Variants in ADAMTSL3 observed in about 807,000 individuals in gnomAD.
ADAMTSL3 encodes ADAMTS-like protein 3.
In ADAMTSL3, 128 loss-of-function variants were observed where a neutral mutation model predicts 201.7. The ratio of observed to expected loss-of-function variants is 0.63; its 90% CI spans 0.55 to 0.73. ADAMTSL3 has a LOEUF of 0.73. Among genes scored for constraint, ADAMTSL3 ranks in the 30% least tolerant of loss-of-function variants. The pLI, the probability that ADAMTSL3 is intolerant of heterozygous loss-of-function variation, is 0.00. For missense variants in ADAMTSL3, 1,990 were observed against 2,119.6 expected (o/e 0.94, Z 1.20); for synonymous variants, 738 against 748.4 (o/e 0.99, Z 0.23).
In ADAMTSL3 at chr15:83,802,580, A is replaced by G. The variant is rs571230049; in HGVS notation, c.318-2070A>G. Among the ~76,000 whole-genome samples, 455 of 152,334 alleles carry G rather than the reference A, an allele frequency of 3.0e-3. 1 individual carries two copies. Among genetic ancestry groups the G allele is most frequent in the African/African-American group, 0.011 (443 of 41,564 alleles). On this transcript the variant is annotated intron_variant, in intron 4 of 29. Coordinates refer to ENST00000286744, the MANE Select transcript of ADAMTSL3 (RefSeq NM_207517.3). The stretch of plus-strand genomic sequence containing the variant: ...GAATGATTTTCAAGTATATTATGCT[A>G]AAAAGAGTCAGTCTCAAAAAGCTAC...
At chr15:83,874,218 G>C (rs2065135871) in intron 9 of ADAMTSL3, among the ~76,000 whole-genome samples, 1 of 144,946 alleles carries the variant, frequency 6.9e-6, no homozygotes, top group Admixed American at 6.7e-5. Context: ...TGCTCTCCAG[G>C]GCAGGGAGGC....
At chr15:83,975,292 G>A (rs957326142) in intron 20 of ADAMTSL3, among the ~76,000 whole-genome samples, 2 of 151,390 alleles carry the variant, frequency 1.3e-5, no homozygotes, top group South Asian at 4.2e-4. Context: ...GTGAGCCACT[G>A]CACCTGGCCA....
intron 3 of ADAMTSL3, among the ~76,000 whole-genome samples, chr15:83,740,636 C>G (rs181695622): frequency 6.6e-6 from 1 of 152,082 alleles, no homozygotes; most frequent in East Asian, 1.9e-4. Flanking sequence ...AAAAAAGATG[C>G]AATAGAGTAA....
chr15:83,657,213 A>G (rs1186444764), intron 2 of ADAMTSL3, among the ~76,000 whole-genome samples: 2 of 52,096 alleles, frequency 3.8e-5, no homozygotes, highest in Non-Finnish European at 6.5e-5. Context: ...TGAGGCTTCA[A>G]GGCACAGTGT....
intron 28 of ADAMTSL3, among the ~76,000 whole-genome samples, chr15:84,034,897 T>C (rs1407351010): frequency 6.6e-6 from 1 of 152,180 alleles, no homozygotes; most frequent in Non-Finnish European, 1.5e-5. Flanking sequence ...TCTACACTCA[T>C]GCTTCATGTA....
intron 23 of ADAMTSL3, among the ~76,000 whole-genome samples, chr15:83,999,861 T>G (rs992930239): frequency 6.6e-6 from 1 of 152,252 alleles, no homozygotes; most frequent in Admixed American, 6.5e-5. Flanking sequence ...CTTTCTTTAC[T>G]GGGTTTAACA....
At chr15:83,797,515 C>T (rs548434178) in intron 4 of ADAMTSL3, among the ~76,000 whole-genome samples, 37 of 152,142 alleles carry the variant, frequency 2.4e-4, no homozygotes, top group East Asian at 2.3e-3. Flanking sequence ...ACACAAGAAT[C>T]GCTTGAGCCC....
At chr15:83,866,120 A>G (rs1463780082) in intron 8 of ADAMTSL3, among the ~76,000 whole-genome samples, 1 of 152,228 alleles carries the variant, frequency 6.6e-6, no homozygotes, top group Non-Finnish European at 1.5e-5. Flanking sequence ...CAGGTGCTGG[A>G]GAGCATGTGG....
intron 3 of ADAMTSL3, among the ~76,000 whole-genome samples, chr15:83,733,266 T>A (rs995405454): frequency 6.6e-6 from 1 of 152,190 alleles, no homozygotes; most frequent in African/African-American, 2.4e-5. Flanking sequence ...TGTTTTCAAC[T>A]AGGCCAGAGC....
At chr15:83,956,578 T>C (rs944677364) in intron 19 of ADAMTSL3, among the ~76,000 whole-genome samples, 4 of 152,212 alleles carry the variant, frequency 2.6e-5, no homozygotes, top group African/African-American at 9.6e-5. Context: ...TCTGACAGTT[T>C]ACTCTTATAT....
intron 6 of ADAMTSL3, among the ~76,000 whole-genome samples, chr15:83,823,255 T>A (rs1050827602): frequency 2.0e-5 from 3 of 151,276 alleles, no homozygotes; most frequent in African/African-American, 7.3e-5. Flanking sequence ...AAAATATTTT[T>A]AAAAAATAAT....
chr15:84,031,907 G>T (rs1210400927), intron 28 of ADAMTSL3, among the ~76,000 whole-genome samples: 1 of 152,146 alleles, frequency 6.6e-6, no homozygotes, highest in Non-Finnish European at 1.5e-5. Context: ...AATAAGGGTG[G>T]AGTTTGCTTT....
At chr15:83,814,745 T>G (rs1328887851) in intron 5 of ADAMTSL3, among the ~76,000 whole-genome samples, 1 of 152,208 alleles carries the variant, frequency 6.6e-6, no homozygotes, top group African/African-American at 2.4e-5. Context: ...AGCAACAATA[T>G]TATTTCTCCT....
intron 2 of ADAMTSL3, among the ~76,000 whole-genome samples, chr15:83,704,152 A>G (rs2061815418): frequency 6.6e-6 from 1 of 152,214 alleles, no homozygotes; most frequent in African/African-American, 2.4e-5. Flanking sequence ...GGCAGGTGTC[A>G]GAGAATAAAT....
chr15:83,700,209 T>G (rs2061752270), intron 2 of ADAMTSL3, among the ~76,000 whole-genome samples: 1 of 152,226 alleles, frequency 6.6e-6, no homozygotes, highest in Admixed American at 6.5e-5. Flanking sequence ...GCTTCCACTC[T>G]GGTAAATGGA....
intron 3 of ADAMTSL3, among the ~76,000 whole-genome samples, chr15:83,720,448 A>C (rs548789060): frequency 2.0e-5 from 3 of 152,242 alleles, no homozygotes; most frequent in Non-Finnish European, 4.4e-5. Context: ...ATATTCAATT[A>C]AGTTCAAACT....
rs1187507048 is a variant in ADAMTSL3 at position 83,991,203 on chromosome 15, G to A, written c.3962G>A (p.Cys1321Tyr). Residue 1321 changes from cysteine (C) to tyrosine (Y), a missense_variant, in exon 23 of 30, where the codon TGT (cysteine) becomes TAT (tyrosine). Transcript: ENST00000286744. ...CTTGGAGCAAACGTGACAATCCGAT[G>A]TCCTGTAAAAGGTAAGTGTGGTCAT... The part of the protein sequence containing the change: ...AALGANVTIR[C>Y]PVKGVPQPNI... The A allele has an allele frequency of 1.2e-6, 2 of 1,614,164 alleles. No homozygotes were observed. The highest frequency in any genetic ancestry group is 3.3e-5 in the Admixed American group (2 of 60,030).
chr15:83,706,652 T>C (rs1433310514), intron 3 of ADAMTSL3, among the ~76,000 whole-genome samples: 3 of 152,156 alleles, frequency 2.0e-5, no homozygotes, highest in Non-Finnish European at 4.4e-5. Context: ...TTCTTTTCTT[T>C]TTTTTTGAGA....
chr15:83,911,681 T>C (rs1293300472), intron 15 of ADAMTSL3, among the ~76,000 whole-genome samples: 1 of 152,204 alleles, frequency 6.6e-6, no homozygotes, highest in Non-Finnish European at 1.5e-5. Flanking sequence ...GACACGTATA[T>C]AGTAATGGCA....
Sources: gnomAD v4.1 joint callset for allele counts (sites outside exome capture counted in the v4.1 genomes callset) on GRCh38, gnomAD v4.1.1 for gene constraint, MANE v1.5 for transcripts, NCBI Gene and HGNC (gene_info 2026-07-23, HGNC 2026-07-21) for gene names.